RFT1: variants seen among roughly 807,000 people sequenced by gnomAD.
RFT1 encodes man(5)GlcNAc(2)-PP-dolichol translocation protein RFT1.
A neutral mutation model predicts 62.2 loss-of-function variants in RFT1; 43 were observed. The ratio of observed to expected loss-of-function variants is 0.69; its 90% CI spans 0.54 to 0.89. The LOEUF is 0.89. RFT1 is among the 40% of genes least tolerant of loss of function. RFT1 has a pLI of 0.00. For missense variants in RFT1, 605 were observed against 649.9 expected (o/e 0.93, Z 0.75); for synonymous variants, 262 against 264.6 (o/e 0.99, Z 0.10).
chr3:53,118,356 G>A, intron 6 of RFT1, among the ~76,000 whole-genome samples: 1 of 152,128 alleles, frequency 6.6e-6, no homozygotes, highest in East Asian at 1.9e-4. Flanking sequence ...GCGATCCTGA[G>A]TCCTAACCAT....
At position 53,105,589 on chromosome 3, in the gene RFT1, G is replaced by A; in HGVS notation, c.957+84C>T. On this transcript the variant is annotated intron_variant, in intron 9 of 12. Transcript: ENST00000296292. ...TAAGAAAATTCCTGATCAAACAGAA[G>A]AGAAACAGACTGCTTCACACTCCTG... 2.0e-6 allele frequency: 3 copies of A among 1,496,712 alleles called. No individual in the cohort carries two copies. In the South Asian group the frequency reaches 3.4e-5, roughly 17 times the overall value. The allele number at this position is 1,496,712 out of a possible 1,614,324, so 92.7% of individuals were successfully genotyped here.
At position 53,117,478 on chromosome 3, in the gene RFT1, T is replaced by A. The variant is rs541967142; in HGVS notation, c.696+2406A>T. 2.4e-4 allele frequency among the ~76,000 whole-genome samples: 37 copies of A among 152,312 alleles called. 1 individual carries two copies. Among genetic ancestry groups the A allele is most frequent in the Admixed American group, 1.4e-3 (21 of 15,304 alleles). ...CTCTCCTACATGTCTGTATCCCTGA[T>A]GGCACCAAGCATGGCGCCATGTTCT... is the stretch of plus-strand genomic sequence containing the variant. On this transcript the variant is annotated intron_variant, in intron 6 of 12. Transcript: ENST00000296292.
chr3:53,092,314 A>G (rs1575478355), intron 12 of RFT1, 55 bp downstream of exon 12: 27 of 1,571,254 alleles, frequency 1.7e-5, no homozygotes, highest in Non-Finnish European at 2.2e-5. Flanking sequence ...GCCTAGCGGG[A>G]GAGACAGCGG....
downstream of RFT1, among the ~76,000 whole-genome samples, chr3:53,085,411 C>G (rs539578590): frequency 1.3e-5 from 2 of 152,098 alleles, no homozygotes; most frequent in East Asian, 3.9e-4. Flanking sequence ...ACAGGTGGAG[C>G]ACCCAGGGCC....
At chr3:53,097,319 G>C (rs549916347) in intron 11 of RFT1, among the ~76,000 whole-genome samples, 1 of 152,040 alleles carries the variant, frequency 6.6e-6, no homozygotes, top group Non-Finnish European at 1.5e-5. Context: ...CTGGGGCCAG[G>C]GGCCCAGAAA....
intron 3 of RFT1, 144 bp from the exon 4 acceptor site, chr3:53,122,707 A>G: frequency 2.5e-6 from 1 of 399,058 alleles, no homozygotes; most frequent in Non-Finnish European, 4.1e-6. Flanking sequence ...GCCAGGCACT[A>G]TGATTCACGC....
At position 53,099,488 on chromosome 3, in the gene RFT1, T is replaced by C. The variant is rs1308274351; in HGVS notation, c.1103-2A>G. ...AGTAGGAACGCAGCAAAACAGGACC[T>C]ACAAGGAAACAACTCACTGAGACTC... On this transcript the variant is annotated splice_acceptor_variant, in intron 10 of 12. Coordinates refer to ENST00000296292, the MANE Select transcript of RFT1 (RefSeq NM_052859.4). LOFTEE classifies it high-confidence loss of function. 1.2e-6 allele frequency: 2 copies of C among 1,613,046 alleles called. No homozygotes were observed. Among genetic ancestry groups the C allele is most frequent in the Non-Finnish European group, 1.7e-6 (2 of 1,179,210 alleles).
intron 7 of RFT1, among the ~76,000 whole-genome samples, chr3:53,108,181 T>C (rs1701542741): frequency 6.6e-6 from 1 of 151,982 alleles, no homozygotes; most frequent in Non-Finnish European, 1.5e-5. Context: ...CCTGAGTAGC[T>C]GGGATTACAG....
At chr3:53,086,759 C>A (rs1456509896), downstream of RFT1, among the ~76,000 whole-genome samples, 1 of 152,204 alleles carries the variant, frequency 6.6e-6, no homozygotes, top group African/African-American at 2.4e-5. Flanking sequence ...TCCAGTGTGC[C>A]TTCCAGAACT....
At chr3:53,092,797 C>A (rs1355665909) in intron 11 of RFT1, among the ~76,000 whole-genome samples, 179 bp from the exon 12 acceptor site, 1 of 152,184 alleles carries the variant, frequency 6.6e-6, no homozygotes, top group Non-Finnish European at 1.5e-5. Flanking sequence ...TTACCCTGAG[C>A]AGAAAGGTAA....
At chr3:53,100,260 T>C (rs979960599) in intron 10 of RFT1, among the ~76,000 whole-genome samples, 1 of 152,186 alleles carries the variant, frequency 6.6e-6, no homozygotes, top group Admixed American at 6.5e-5. Context: ...TAGTATTTTC[T>C]TCTAAAACAA....
intron 10 of RFT1, among the ~76,000 whole-genome samples, chr3:53,100,894 C>T (rs1701291111): frequency 6.6e-6 from 1 of 151,902 alleles, no homozygotes; most frequent in African/African-American, 2.4e-5. Flanking sequence ...TCAAAACTTA[C>T]CAAACTGTAC....
chr3:53,125,794 C>T (rs926504751), intron 2 of RFT1, 115 bp downstream of exon 2: 2 of 804,140 alleles, frequency 2.5e-6, no homozygotes, highest in Non-Finnish European at 4.2e-6. Context: ...AGACATTCTG[C>T]TTCTGATAAA....
chr3:53,092,623 G>T lies in RFT1; in HGVS notation c.1209-5C>A. Reference sequence around the variant, plus strand: ...GCCAGCATCACAAAATTGTACCTGGGGAGGAGACAGGAAAAGGAGGGCAGT... The same window carrying T: ...GCCAGCATCACAAAATTGTACCTGGTGAGGAGACAGGAAAAGGAGGGCAGT... On this transcript the variant is annotated splice_region_variant and splice_polypyrimidine_tract_variant and intron_variant, in intron 11 of 12. Transcript: ENST00000296292. The T allele has an allele frequency of 5.6e-6, 9 of 1,609,580 alleles. No individual in the cohort carries two copies. The highest frequency in any genetic ancestry group is 7.6e-6 in the Non-Finnish European group (9 of 1,178,186).
At chr3:53,088,227 A>T (rs191315221), downstream of RFT1, among the ~76,000 whole-genome samples, 6 of 152,312 alleles carry the variant, frequency 3.9e-5, no homozygotes, top group East Asian at 1.2e-3. Context: ...CGGGAAATAC[A>T]GCTTAAGGGG....
At chr3:53,118,323 G>C (rs754112563) in intron 6 of RFT1, among the ~76,000 whole-genome samples, 1 of 152,144 alleles carries the variant, frequency 6.6e-6, no homozygotes, top group Admixed American at 6.5e-5. Flanking sequence ...GGGGGCAGGG[G>C]GCAGAAGCTC....
chr3:53,081,208 A>G, the RFT1 span, among the ~76,000 whole-genome samples: 1 of 152,218 alleles, frequency 6.6e-6, no homozygotes, highest in Non-Finnish European at 1.5e-5. Context: ...AACGCCATGC[A>G]TTCTAGGCCA....
chr3:53,108,135 G>A (rs1559589434), intron 7 of RFT1, among the ~76,000 whole-genome samples: 1 of 152,086 alleles, frequency 6.6e-6, no homozygotes, highest in Non-Finnish European at 1.5e-5. Flanking sequence ...TGCAACCTCT[G>A]CCTCCCAGAC....
chr3:53,091,463 T>A lies in RFT1; in HGVS notation c.*440A>T. ...CCATGTGGTGCATGAGAGAGAGAGG[T>A]TTCTCTCTCTCTTTTACAGAAGAAG... On this transcript the variant is annotated 3_prime_UTR_variant, in exon 13 of 13. Transcript: ENST00000296292. 1 of 200,136 alleles carries A rather than the reference T, an allele frequency of 5.0e-6. No homozygotes were observed. Among genetic ancestry groups the A allele is most frequent in the Non-Finnish European group, 1.0e-5 (1 of 95,770 alleles). 12.4% of individuals were successfully genotyped at this position (200,136 alleles called of 1,614,324 possible). A position where few individuals can be genotyped will look rare whatever the true frequency, so the allele number is the denominator to read the frequency against.
Sources: gnomAD v4.1 joint callset for allele counts (sites outside exome capture counted in the v4.1 genomes callset) on GRCh38, gnomAD v4.1.1 for gene constraint, MANE v1.5 for transcripts, NCBI Gene and HGNC (gene_info 2026-07-23, HGNC 2026-07-21) for gene names.